ATF2: variants seen among roughly 807,000 people sequenced by gnomAD.
ATF2 encodes the protein cyclic AMP-dependent transcription factor ATF-2.
In ATF2, 24 loss-of-function variants were observed where a neutral mutation model predicts 60.6. The observed-to-expected ratio is 0.40, with a 90% CI of 0.29 to 0.56. The LOEUF (loss-of-function observed/expected upper bound fraction) is 0.56. Ranked by LOEUF, ATF2 falls within the 20% of genes least tolerant of loss-of-function variation. The pLI is 0.54. For synonymous variants in ATF2, 206 were observed against 215.4 expected, an observed-to-expected ratio of 0.96 and a Z score of 0.38; for missense variants, 433 against 607.7, an observed-to-expected ratio of 0.71 and a Z score of 3.02.
chr2:175,142,720 A>AGAGTGTGTGT (rs1491359659), intron 2 of ATF2, among the ~76,000 whole-genome samples: 45 of 71,184 alleles, frequency 6.3e-4, no homozygotes, highest in African/African-American at 1.7e-3. Flanking sequence ...AGAGAGAGAG[A>AGAGTGTGTGT]GTGTGTGTGT....
chr2:175,142,750 T>A (rs935784954), intron 2 of ATF2, among the ~76,000 whole-genome samples: 10 of 142,894 alleles, frequency 7.0e-5, no homozygotes, highest in Admixed American at 1.4e-4. Context: ...TGTGTGTGTG[T>A]GATCAATCTT....
intron 3 of ATF2, among the ~76,000 whole-genome samples, chr2:175,131,380 G>A (rs1436653245): frequency 1.3e-5 from 2 of 152,148 alleles, no homozygotes; most frequent in Non-Finnish European, 2.9e-5. Flanking sequence ...TCAGAGAAAT[G>A]AGGTCAAAGG....
At position 175,114,672 on chromosome 2, in the gene ATF2, T is replaced by C; in HGVS notation, c.626+18A>G. 2 of 1,605,610 alleles carry C rather than the reference T, an allele frequency of 1.2e-6. No homozygotes were observed. Among genetic ancestry groups the C allele is most frequent in the African/African-American group, 1.3e-5 (1 of 74,868 alleles). ...CTTAATTCATGTATATGTTCAATGA[T>C]TGGCCTGAATCACTTACACAATTGG... On this transcript the variant is annotated intron_variant, in intron 8 of 13. Coordinates refer to ENST00000264110, the MANE Select transcript of ATF2 (RefSeq NM_001880.4).
chr2:175,077,607 G>C (rs776478828), intron 13 of ATF2, among the ~76,000 whole-genome samples: 9 of 152,104 alleles, frequency 5.9e-5, no homozygotes, highest in Admixed American at 1.3e-4. Flanking sequence ...GTGGTATAAG[G>C]AAACGTAAAT....
chr2:175,097,415 G>A (rs376088944), intron 11 of ATF2, 29 bp downstream of exon 11: 34 of 1,611,242 alleles, frequency 2.1e-5, no homozygotes, highest in Non-Finnish European at 2.9e-5. Flanking sequence ...AGATGACAGA[G>A]TGCTGAATAA....
At chr2:175,115,090 T>TTTC (rs1696460717) in intron 7 of ATF2, among the ~76,000 whole-genome samples, 3 of 151,910 alleles carry the variant, frequency 2.0e-5, no homozygotes, top group African/African-American at 7.3e-5. Flanking sequence ...TTTTTTTTTT[T>TTTC]CCAGTACAAC....
Position 175,074,565 on chromosome 2 carries a change from A to G in ATF2, c.*44T>C, listed in dbSNP as rs755824068. 1.3e-6 allele frequency: 2 copies of G among 1,555,564 alleles called. No homozygotes were observed. Among genetic ancestry groups the G allele is most frequent in the Non-Finnish European group, 1.7e-6 (2 of 1,146,036 alleles). ...TGGTCTTTCCTTGATTTCCCTTTGA[A>G]GTCACTAATGAGTATCTAAAACTGT... On this transcript the variant is annotated 3_prime_UTR_variant, in exon 14 of 14. Coordinates refer to ENST00000264110, the MANE Select transcript of ATF2 (RefSeq NM_001880.4).
At chr2:175,133,615 C>T (rs988257996) in intron 3 of ATF2, among the ~76,000 whole-genome samples, 30 of 152,048 alleles carry the variant, frequency 2.0e-4, no homozygotes, top group Non-Finnish European at 3.2e-4. Context: ...CTTTTCGTGA[C>T]CTTAATGTTA....
At chr2:175,114,495 G>A (rs936558356) in intron 8 of ATF2, 195 bp downstream of exon 8, 211 of 1,292,562 alleles carry the variant, frequency 1.6e-4, no homozygotes, top group Non-Finnish European at 1.9e-4. Context: ...TTTGTTTTTA[G>A]TTGTATTTAT....
At chr2:175,106,440 C>T (rs1036569132) in intron 10 of ATF2, among the ~76,000 whole-genome samples, 23 of 150,988 alleles carry the variant, frequency 1.5e-4, no homozygotes, top group Non-Finnish European at 3.1e-4. Context: ...GCGGGAAAAT[C>T]GCTTGAACCT....
chr2:175,087,819 CAA>C (rs1177870028), intron 12 of ATF2, among the ~76,000 whole-genome samples: 1 of 152,014 alleles, frequency 6.6e-6, no homozygotes, highest in Admixed American at 6.5e-5. Flanking sequence ...GAAAAAAAGA[CAA>C]GAGTTCTCAC....
At chr2:175,075,644 T>G (rs1693240247) in intron 13 of ATF2, among the ~76,000 whole-genome samples, 1 of 152,140 alleles carries the variant, frequency 6.6e-6, no homozygotes, top group Admixed American at 6.6e-5. Context: ...ATATTTATAG[T>G]ATATGTAAGT....
At chr2:175,079,072 C>T (rs77343977) in intron 13 of ATF2, among the ~76,000 whole-genome samples, 5,197 of 152,164 alleles carry the variant, frequency 0.034, 294 homozygotes, top group African/African-American at 0.12. Flanking sequence ...TCTAGATTTT[C>T]AGTCATTTAA....
At chr2:175,119,386 T>A (rs1442267224) in intron 5 of ATF2, among the ~76,000 whole-genome samples, 2 of 151,538 alleles carry the variant, frequency 1.3e-5, no homozygotes, top group Non-Finnish European at 3.0e-5. Context: ...TACTCCTAAT[T>A]CCTTTTGTAA....
chr2:175,118,407 A>C, intron 5 of ATF2, 38 bp from the exon 6 acceptor site: 6 of 1,523,234 alleles, frequency 3.9e-6, no homozygotes, highest in Non-Finnish European at 5.4e-6. Context: ...GCATATTTAA[A>C]TATGTTAAGA....
At chr2:175,147,845 C>A (rs977504658) in intron 2 of ATF2, 1 of 151,998 alleles carries the variant, frequency 6.6e-6, no homozygotes, top group East Asian at 1.9e-4. Flanking sequence ...TTCATATTCC[C>A]CTCTTAAAGA....
chr2:175,096,439 A>G (rs1694942939), intron 11 of ATF2, among the ~76,000 whole-genome samples: 1 of 152,198 alleles, frequency 6.6e-6, no homozygotes, highest in Non-Finnish European at 1.5e-5. Context: ...ATGTGTGAAT[A>G]TTTATCTACC....
At chr2:175,109,158 G>A (rs915332793) in intron 10 of ATF2, among the ~76,000 whole-genome samples, 14 of 44,908 alleles carry the variant, frequency 3.1e-4, no homozygotes, top group Admixed American at 2.2e-3. Context: ...AAACACCCAA[G>A]AATGATCAAT....
intron 13 of ATF2, among the ~76,000 whole-genome samples, chr2:175,075,478 T>C (rs1364115885): frequency 2.0e-5 from 3 of 152,066 alleles, no homozygotes; most frequent in Admixed American, 6.6e-5. Flanking sequence ...ACTCTAAACA[T>C]TGCATCTGAA....
Sources: allele counts gnomAD v4.1 joint callset (sites outside exome capture counted in the v4.1 genomes callset), GRCh38; gene constraint gnomAD v4.1.1; transcripts MANE v1.5; gene names NCBI Gene and HGNC (gene_info 2026-07-23, HGNC 2026-07-21).